PACRGL: variants seen among roughly 807,000 people sequenced by gnomAD.
PACRGL encodes the protein parkin coregulated like.
In PACRGL, 38 loss-of-function variants were observed where a neutral mutation model predicts 34.5. That is an observed-to-expected ratio of 1.10 (90% CI 0.85 to 1.44). The LOEUF (loss-of-function observed/expected upper bound fraction) is 1.44, where lower values mean the gene tolerates loss of function less well. PACRGL is among the 40% of genes most tolerant of loss of function. The pLI is 0.00. For synonymous variants in PACRGL, 128 were observed against 100.1 expected (o/e 1.28, Z -1.66); for missense variants, 305 against 281.4 (o/e 1.08, Z -0.60).
At chr4:20,740,433 T>C (rs897252846) in intron 8 of PACRGL, among the ~76,000 whole-genome samples, 1 of 151,136 alleles carries the variant, frequency 6.6e-6, no homozygotes, top group Non-Finnish European at 1.5e-5. Flanking sequence ...TTCAACACTC[T>C]TACAGAATTT....
At position 20,729,256 on chromosome 4, in the gene PACRGL, T is replaced by A. The variant is rs752064480; in HGVS notation, c.*1915T>A. On this transcript the variant is annotated 3_prime_UTR_variant, in exon 9 of 9. Coordinates refer to ENST00000503585, the MANE Select transcript of PACRGL (RefSeq NM_001258345.3). ...ACTGGAGGATAGATATCCTGACCCT[T>A]TGCATATGTCTGTAAACATCCTTGT... 1 of 151,926 alleles carries A rather than the reference T, an allele frequency of 6.6e-6. No homozygotes were observed. Among genetic ancestry groups the A allele is most frequent in the Non-Finnish European group, 1.5e-5 (1 of 67,948 alleles). The allele number at this position is 151,926 out of a possible 1,614,324, so 9.4% of individuals were successfully genotyped here.
upstream of PACRGL, among the ~76,000 whole-genome samples, chr4:20,697,057 G>T (rs1041320676): frequency 6.6e-6 from 1 of 152,038 alleles, no homozygotes; most frequent in Non-Finnish European, 1.5e-5. Flanking sequence ...CTTTTCTATT[G>T]GACAATGCTA....
Position 20,700,502 on chromosome 4 carries a change from G to A in PACRGL, c.-302G>A, listed in dbSNP as rs1731676608. ...CTCGGTGGCGGTAGCCGCGGTTGTTGGCCGACCGAGTGCCGGTCATAAGCC... is the reference window on the plus strand; with the variant it reads ...CTCGGTGGCGGTAGCCGCGGTTGTTAGCCGACCGAGTGCCGGTCATAAGCC... On this transcript the variant is annotated 5_prime_UTR_variant, in exon 1 of 9. Coordinates refer to ENST00000503585, the MANE Select transcript of PACRGL (RefSeq NM_001258345.3). The A allele has an allele frequency of 6.6e-6, 1 of 152,172 alleles. No homozygotes were observed. The highest frequency in any genetic ancestry group is 2.4e-5 in the African/African-American group (1 of 41,438). The allele number at this position is 152,172 out of a possible 1,614,324, so 9.4% of individuals were successfully genotyped here. A position where few individuals can be genotyped will look rare whatever the true frequency, so the allele number is the denominator to read the frequency against.
In PACRGL at chr4:20,713,091, G is replaced by C. The variant is rs76626420; in HGVS notation, c.501+169G>C. ...ATTAGGCAACTGTTACTCAGGGCCAGATAACTACATACTTGAAGACATCTT... is the reference window on the plus strand; with the variant it reads ...ATTAGGCAACTGTTACTCAGGGCCACATAACTACATACTTGAAGACATCTT... On this transcript the variant is annotated intron_variant, in intron 6 of 8. Coordinates refer to ENST00000503585, the MANE Select transcript of PACRGL (RefSeq NM_001258345.3). 1,348 of 667,660 alleles carry C rather than the reference G, an allele frequency of 2.0e-3. 12 individuals carry two copies. In the African/African-American group the frequency reaches 0.022, roughly 11 times the overall value. The allele number at this position is 667,660 out of a possible 1,614,324, so 41.4% of individuals were successfully genotyped here.
intron 7 of PACRGL, among the ~76,000 whole-genome samples, chr4:20,718,329 TC>T (rs1344757038): frequency 6.6e-6 from 1 of 152,162 alleles, no homozygotes; most frequent in Non-Finnish European, 1.5e-5. Flanking sequence ...TATTTCTTTC[TC>T]CTGCCTGATT....
chr4:20,744,895 T>G (rs1037280245), intron 8 of PACRGL, among the ~76,000 whole-genome samples: 5 of 152,152 alleles, frequency 3.3e-5, no homozygotes, highest in Non-Finnish European at 7.4e-5. Flanking sequence ...TCTGTGGAAG[T>G]TCACTTCATC....
chr4:20,758,692 G>T, the PACRGL span: 9 of 709,784 alleles, frequency 1.3e-5, no homozygotes, highest in African/African-American at 1.1e-4. Flanking sequence ...ATATACACTT[G>T]CATGCTGTGC....
intron 7 of PACRGL, among the ~76,000 whole-genome samples, chr4:20,719,172 TGA>T (rs1741715834): frequency 6.6e-6 from 1 of 152,210 alleles, no homozygotes; most frequent in Non-Finnish European, 1.5e-5. Context: ...GGATTGGTGG[TGA>T]TATCCCTTGT....
chr4:20,729,917 G>GA lies in PACRGL; in HGVS notation c.*2579dup, dbSNP rs1747528930. On this transcript the variant is annotated 3_prime_UTR_variant, in exon 9 of 9. Transcript: ENST00000503585. ...ATGAAAAGGATGCAAATTTATAACT[G>GA]AAAGCTCAAATCTTTTGGGGATTGC... 1.4e-6 allele frequency: 1 copy of GA among 730,174 alleles called. No individual in the cohort carries two copies. Among genetic ancestry groups the GA allele is most frequent in the African/African-American group, 1.8e-5 (1 of 54,452 alleles). The allele number at this position is 730,174 out of a possible 1,614,324, so 45.2% of individuals were successfully genotyped here. A position where few individuals can be genotyped will look rare whatever the true frequency, so the allele number is the denominator to read the frequency against.
chr4:20,735,516 GTGTTTTTTTTTT>G (rs1291414774), downstream of PACRGL, among the ~76,000 whole-genome samples: 5 of 134,782 alleles, frequency 3.7e-5, no homozygotes, highest in African/African-American at 1.1e-4. Context: ...AATTCATTTA[GTGTTTTTTTTTT>G]TGTTTTTTTT....
At chr4:20,696,532 G>T (rs1256216287), upstream of PACRGL, 7 of 152,194 alleles carry the variant, frequency 4.6e-5, no homozygotes, top group South Asian at 2.1e-4. Context: ...ATTTGTAAAA[G>T]AAATTGAATA....
chr4:20,751,196 T>C (rs562010652), intron 8 of PACRGL, among the ~76,000 whole-genome samples: 1 of 152,324 alleles, frequency 6.6e-6, no homozygotes, highest in East Asian at 1.9e-4. Context: ...CTACTTATCT[T>C]TGAACACAGG....
intron 1 of PACRGL, chr4:20,701,582 C>G (rs147745797): frequency 2.2e-4 from 57 of 263,238 alleles, no homozygotes; most frequent in African/African-American, 1.1e-3. Flanking sequence ...TGAAAAACCA[C>G]TTGAAAGGGT....
chr4:20,696,870 A>C (rs1560269791), upstream of PACRGL, among the ~76,000 whole-genome samples: 1 of 152,378 alleles, frequency 6.6e-6, no homozygotes, highest in East Asian at 1.9e-4. Flanking sequence ...CACAAATAAC[A>C]AGAATGTAAA....
chr4:20,739,922 A>G (rs1750643042), intron 8 of PACRGL, among the ~76,000 whole-genome samples: 2 of 152,198 alleles, frequency 1.3e-5, no homozygotes, highest in Admixed American at 6.5e-5. Context: ...GCTGAAAACC[A>G]TGGCACAAGA....
chr4:20,709,854 A>G, intron 5 of PACRGL, 81 bp downstream of exon 5: 1 of 1,192,360 alleles, frequency 8.4e-7, no homozygotes, highest in Non-Finnish European at 1.2e-6. Flanking sequence ...GCTTGTCAGT[A>G]AATTTCATTC....
At chr4:20,763,145 C>T in the PACRGL span, among the ~76,000 whole-genome samples, 1 of 152,092 alleles carries the variant, frequency 6.6e-6, no homozygotes, top group African/African-American at 2.4e-5. Context: ...GGGTAGGGCA[C>T]AAAGCATAAC....
At chr4:20,724,016 T>A (rs1365838794) in intron 7 of PACRGL, among the ~76,000 whole-genome samples, 1 of 152,104 alleles carries the variant, frequency 6.6e-6, no homozygotes, top group African/African-American at 2.4e-5. Context: ...ACATTAGAAG[T>A]TTATTGGAAG....
chr4:20,764,681 G>GACACACAC, the PACRGL span, among the ~76,000 whole-genome samples: 1,562 of 147,202 alleles, frequency 0.011, 13 homozygotes, highest in African/African-American at 0.021. Context: ...ATGGGAATTG[G>GACACACAC]ACACACACAC....
Sources: gnomAD v4.1 joint callset for allele counts (sites outside exome capture counted in the v4.1 genomes callset) on GRCh38, gnomAD v4.1.1 for gene constraint, MANE v1.5 for transcripts, NCBI Gene and HGNC (gene_info 2026-07-23, HGNC 2026-07-21) for gene names.